The following RFX3 variants were observed in gnomAD, a reference collection of about 807,000 sequenced individuals.
RFX3 encodes regulatory factor X3.
A neutral mutation model predicts 98.6 loss-of-function variants in RFX3; 14 were observed. That is an observed-to-expected ratio of 0.14 (90% CI 0.09 to 0.22). The LOEUF (loss-of-function observed/expected upper bound fraction) is 0.22. Among genes scored for constraint, RFX3 ranks in the 10% least tolerant of loss-of-function variants. The pLI is 1.00. For synonymous variants in RFX3, 383 were observed against 328.4 expected, an observed-to-expected ratio of 1.17 and a Z score of -1.80; for missense variants, 639 against 926.9, an observed-to-expected ratio of 0.69 and a Z score of 4.03.
intron 7 of RFX3, among the ~76,000 whole-genome samples, chr9:3,286,873 T>A (rs1826678089): frequency 6.6e-6 from 1 of 151,930 alleles, no homozygotes; most frequent in South Asian, 2.1e-4. Flanking sequence ...ATTTTCCTTC[T>A]GCTTCAATAT....
At chr9:3,226,535 T>C (rs1196073967) in intron 16 of RFX3, among the ~76,000 whole-genome samples, 1 of 152,192 alleles carries the variant, frequency 6.6e-6, no homozygotes. Context: ...GAAATGTGTG[T>C]CACGCATTAG....
At chr9:3,423,796 T>A (rs973375483) in intron 1 of RFX3, among the ~76,000 whole-genome samples, 1 of 133,178 alleles carries the variant, frequency 7.5e-6, no homozygotes, top group Non-Finnish European at 1.5e-5. Context: ...TATATATATA[T>A]ATATATATAT....
At chr9:3,468,815 GAAAAAAAAAAA>G (rs34057815) in intron 1 of RFX3, among the ~76,000 whole-genome samples, 1 of 84,274 alleles carries the variant, frequency 1.2e-5, no homozygotes, top group Non-Finnish European at 2.7e-5. Context: ...TTTTCCTTTT[GAAAAAAAAAAA>G]AAAAAGAAAA....
chr9:3,266,369 G>A, intron 11 of RFX3, 64 bp from the exon 12 acceptor site: 4 of 1,058,424 alleles, frequency 3.8e-6, no homozygotes, highest in Non-Finnish European at 5.8e-6. Context: ...GTTTGTGCTA[G>A]AATAAAAGAA....
rs567396304 is a variant in RFX3, at chr9:3,222,995, C to A, written c.*2047G>T. The stretch of plus-strand genomic sequence containing the variant: ...CAATTAAGCAACAACAGCTTAAATA[C>A]ACTGTGTATTACCCGATAAGCCATT... On this transcript the variant is annotated 3_prime_UTR_variant, in exon 17 of 17. Transcript: ENST00000617270. 1 of 152,080 alleles carries A rather than the reference C, an allele frequency of 6.6e-6. No individual in the cohort carries two copies. The highest frequency in any genetic ancestry group is 1.9e-4 in the East Asian group (1 of 5,190). 9.4% of individuals were successfully genotyped at this position (152,080 alleles called of 1,614,324 possible).
At chr9:3,245,014 T>A (rs954304104) in intron 15 of RFX3, among the ~76,000 whole-genome samples, 2 of 152,232 alleles carry the variant, frequency 1.3e-5, no homozygotes, top group Non-Finnish European at 2.9e-5. Context: ...TTGCCCAAGA[T>A]TATACTAATA....
chr9:3,409,798 C>G (rs1214030408), intron 1 of RFX3, among the ~76,000 whole-genome samples: 1 of 152,096 alleles, frequency 6.6e-6, no homozygotes, highest in African/African-American at 2.4e-5. Context: ...AATCACAGCC[C>G]TTTAAAGCTT....
At chr9:3,423,811 A>C (rs905357681) in intron 1 of RFX3, among the ~76,000 whole-genome samples, 60 of 132,372 alleles carry the variant, frequency 4.5e-4, no homozygotes, top group African/African-American at 1.1e-3. Flanking sequence ...ATATATATAT[A>C]TCTTAAGGTA....
In RFX3 at chr9:3,464,861, A is replaced by G. The variant is rs376417218; in HGVS notation, c.-9+60886T>C. 3.6e-4 allele frequency among the ~76,000 whole-genome samples: 55 copies of G among 152,328 alleles called. 1 individual carries two copies. The East Asian group carries it at 6.0e-3, about 17-fold the overall frequency. Reference sequence around the variant, plus strand: ...GGAATGTTTGATAACTTACCCATCCAAGAAACAGTTCCAATTTGTTAGATT... The same window carrying G: ...GGAATGTTTGATAACTTACCCATCCGAGAAACAGTTCCAATTTGTTAGATT... On this transcript the variant is annotated intron_variant, in intron 1 of 16. Transcript: ENST00000617270.
At chr9:3,463,945 C>T (rs189988819) in intron 1 of RFX3, among the ~76,000 whole-genome samples, 132 of 152,116 alleles carry the variant, frequency 8.7e-4, no homozygotes, top group Non-Finnish European at 1.4e-3. Flanking sequence ...TGCACTCCTG[C>T]CTTCATAAAT....
chr9:3,486,128 C>CAAAAAAA (rs772747349), intron 1 of RFX3, among the ~76,000 whole-genome samples: 893 of 47,922 alleles, frequency 0.019, no homozygotes, highest in Middle Eastern at 0.027. Flanking sequence ...TGTCTCAAAC[C>CAAAAAAA]AAAAAAAAAA....
chr9:3,395,506 G>A lies in RFX3; in HGVS notation c.83C>T (p.Thr28Met), dbSNP rs745514707. ...TSVASQAAVP[T>M]QVVQQVPVQQ... ...TACTGGTACTTGCTGTACCACCTGC[G>A]TAGGCACTGCTGCTTGACTAGCCAC... The change falls in exon 2 of 17, where the codon ACG becomes ATG. Residue 28 changes from threonine (T) to methionine (M), a missense_variant. Physicochemically the swap from Thr to Met is moderately conservative, Grantham distance 81. Coordinates refer to ENST00000617270, the MANE Select transcript of RFX3 (RefSeq NM_001282116.2). The A allele has an allele frequency of 5.6e-6, 9 of 1,613,982 alleles. No individual in the cohort carries two copies. The highest frequency in any genetic ancestry group is 2.2e-5 in the South Asian group (2 of 91,078).
chr9:3,454,012 T>C (rs1846920105), intron 1 of RFX3, among the ~76,000 whole-genome samples: 1 of 152,138 alleles, frequency 6.6e-6, no homozygotes, highest in South Asian at 2.1e-4. Context: ...CAAGTTAGAG[T>C]AGTACATATA....
intron 1 of RFX3, among the ~76,000 whole-genome samples, chr9:3,399,526 T>G (rs1841264331): frequency 6.6e-6 from 1 of 152,176 alleles, no homozygotes; most frequent in Admixed American, 6.5e-5. Flanking sequence ...ACATATTATG[T>G]GTTCTATAGG....
intron 2 of RFX3, among the ~76,000 whole-genome samples, chr9:3,348,813 T>C (rs996638722): frequency 2.6e-5 from 4 of 152,110 alleles, no homozygotes; most frequent in Non-Finnish European, 4.4e-5. Flanking sequence ...TGGCCAATGG[T>C]AGCCTCTTCT....
chr9:3,489,507 CA>C, intron 1 of RFX3: 1 of 683,456 alleles, frequency 1.5e-6, no homozygotes, highest in Non-Finnish European at 1.8e-6. Context: ...ATGACATCAG[CA>C]GTATATTAAC....
chr9:3,235,789 T>C (rs967996430), intron 15 of RFX3, among the ~76,000 whole-genome samples: 4 of 152,152 alleles, frequency 2.6e-5, no homozygotes, highest in African/African-American at 9.7e-5. Context: ...ACTAACAATG[T>C]AGTTACTCTT....
intron 15 of RFX3, among the ~76,000 whole-genome samples, chr9:3,237,060 T>C (rs1819255793): frequency 6.6e-6 from 1 of 152,180 alleles, no homozygotes; most frequent in African/African-American, 2.4e-5. Flanking sequence ...TTCTATACAT[T>C]ATCCTTTCTC....
rs553596564 is a variant in RFX3, at chr9:3,484,195, G to T, written c.-9+41552C>A. On this transcript the variant is annotated intron_variant, in intron 1 of 16. Transcript: ENST00000617270. ...ATAGGAAACCATTTTCAAACCCTTT[G>T]AATTTCAGAAATGAATATAAAAGAT... Among the ~76,000 whole-genome samples the T allele has an allele frequency of 7.2e-5, 11 of 152,272 alleles. No homozygotes were observed. In the East Asian group the frequency reaches 1.9e-3, roughly 27 times the overall value.
Sources: allele counts gnomAD v4.1 joint callset (sites outside exome capture counted in the v4.1 genomes callset), GRCh38; gene constraint gnomAD v4.1.1; transcripts MANE v1.5; gene names NCBI Gene and HGNC (gene_info 2026-07-23, HGNC 2026-07-21).